The following PRRX1 variants were observed in gnomAD, a reference collection of about 807,000 sequenced individuals.
PRRX1 encodes paired related homeobox 1.
A neutral mutation model predicts 24.0 loss-of-function variants in PRRX1; 8 were observed. That is an observed-to-expected ratio of 0.33 (90% confidence interval 0.20 to 0.60). The LOEUF (loss-of-function observed/expected upper bound fraction) is 0.60, where lower values mean the gene tolerates loss of function less well. PRRX1 is among the 20% of genes least tolerant of loss of function. PRRX1 has a pLI of 0.82. For missense variants in PRRX1, 281 were observed against 322.4 expected, an observed-to-expected ratio of 0.87 and a Z score of 0.98; for synonymous variants, 160 against 131.7, an observed-to-expected ratio of 1.22 and a Z score of -1.47.
chr1:170,716,545 C>G (rs1319268941), intron 1 of PRRX1, among the ~76,000 whole-genome samples: 4 of 150,420 alleles, frequency 2.7e-5, no homozygotes, highest in Non-Finnish European at 5.9e-5. Context: ...GATCGCGCCA[C>G]TGCACTCCAG....
At chr1:170,684,679 G>T (rs1213032219) in intron 1 of PRRX1, among the ~76,000 whole-genome samples, 1 of 152,174 alleles carries the variant, frequency 6.6e-6, no homozygotes, top group Admixed American at 6.5e-5. Context: ...CTTGAATCCA[G>T]GAGGCGGAGG....
At chr1:170,713,050 C>G (rs1395601344) in intron 1 of PRRX1, among the ~76,000 whole-genome samples, 1 of 152,118 alleles carries the variant, frequency 6.6e-6, no homozygotes, top group Non-Finnish European at 1.5e-5. Flanking sequence ...GCATCTCTTA[C>G]AGTAAGAATT....
chr1:170,724,025 C>A (rs931194242), intron 2 of PRRX1, among the ~76,000 whole-genome samples: 1 of 152,104 alleles, frequency 6.6e-6, no homozygotes, highest in Non-Finnish European at 1.5e-5. Flanking sequence ...AAACCTAATA[C>A]GTGGAATTGT....
chr1:170,708,921 C>A (rs1654657036), intron 1 of PRRX1, among the ~76,000 whole-genome samples: 1 of 152,082 alleles, frequency 6.6e-6, no homozygotes, highest in Admixed American at 6.6e-5. Context: ...AAAGAGTGGT[C>A]AGGTTTGGTG....
chr1:170,665,255 C>T (rs543976619), intron 1 of PRRX1, among the ~76,000 whole-genome samples: 22 of 152,376 alleles, frequency 1.4e-4, no homozygotes, highest in Non-Finnish European at 2.8e-4. Flanking sequence ...CTTAGAGGAG[C>T]TCTCCCTATT....
At chr1:170,723,402 A>G (rs916742454) in intron 2 of PRRX1, among the ~76,000 whole-genome samples, 7 of 152,206 alleles carry the variant, frequency 4.6e-5, no homozygotes, top group Non-Finnish European at 1.0e-4. Context: ...TAGTTTTTCA[A>G]ATTTACATGT....
chr1:170,708,280 A>G (rs1280147007), intron 1 of PRRX1, among the ~76,000 whole-genome samples: 2 of 152,222 alleles, frequency 1.3e-5, no homozygotes, highest in Non-Finnish European at 2.9e-5. Flanking sequence ...CAATGGAATA[A>G]GATTATTCCA....
chr1:170,692,489 T>G (rs1461818230), intron 1 of PRRX1, among the ~76,000 whole-genome samples: 1 of 152,148 alleles, frequency 6.6e-6, no homozygotes, highest in Middle Eastern at 3.4e-3. Flanking sequence ...TATTCTTAAA[T>G]TGTTGTGTGT....
chr1:170,727,580 A>G (rs1156341446), intron 3 of PRRX1: 10 of 152,232 alleles, frequency 6.6e-5, no homozygotes, highest in Non-Finnish European at 1.5e-4. Flanking sequence ...GTGTTTTTCA[A>G]AGGTTCTTAG....
intron 1 of PRRX1, among the ~76,000 whole-genome samples, chr1:170,681,467 A>G (rs1306586893): frequency 1.3e-5 from 2 of 150,522 alleles, no homozygotes; most frequent in East Asian, 3.9e-4. Flanking sequence ...AAAACTGCAG[A>G]TAATCCTGCA....
At chr1:170,705,941 C>T (rs1488545240) in intron 1 of PRRX1, among the ~76,000 whole-genome samples, 24 of 137,970 alleles carry the variant, frequency 1.7e-4, no homozygotes, top group African/African-American at 7.2e-4. Context: ...CACATACACA[C>T]ACACACACAC....
At chr1:170,724,946 C>CG (rs1655207345) in intron 2 of PRRX1, among the ~76,000 whole-genome samples, 1 of 152,132 alleles carries the variant, frequency 6.6e-6, no homozygotes, top group South Asian at 2.1e-4. Context: ...TGTGTCCTCT[C>CG]TGATTTCCTT....
chr1:170,689,279 G>A (rs1653848858), intron 1 of PRRX1, among the ~76,000 whole-genome samples: 1 of 152,116 alleles, frequency 6.6e-6, no homozygotes, highest in East Asian at 1.9e-4. Context: ...TTTCTGTGGA[G>A]CTGTGTACTG....
chr1:170,681,905 A>G (rs1653559272), intron 1 of PRRX1, among the ~76,000 whole-genome samples: 1 of 152,230 alleles, frequency 6.6e-6, no homozygotes, highest in South Asian at 2.1e-4. Context: ...CTCTGTTGCT[A>G]TGGAAATGAA....
At chr1:170,665,533 G>A (rs1663262242) in intron 1 of PRRX1, among the ~76,000 whole-genome samples, 1 of 152,222 alleles carries the variant, frequency 6.6e-6, no homozygotes, top group Non-Finnish European at 1.5e-5. Context: ...TTCTATGTCA[G>A]TAGTTGCTGG....
At chr1:170,666,004 T>C (rs1042184036) in intron 1 of PRRX1, among the ~76,000 whole-genome samples, 1 of 152,254 alleles carries the variant, frequency 6.6e-6, no homozygotes, top group African/African-American at 2.4e-5. Flanking sequence ...GTTTGGGTGC[T>C]TGAGAGGCTG....
chr1:170,730,147 G>A, intron 3 of PRRX1: 2 of 831,144 alleles, frequency 2.4e-6, no homozygotes, highest in Non-Finnish European at 4.3e-6. Flanking sequence ...GTGAAAGAGA[G>A]GTCAGCTATC....
chr1:170,691,505 C>CCTTT (rs1653950845), intron 1 of PRRX1, among the ~76,000 whole-genome samples: 1 of 145,918 alleles, frequency 6.9e-6, no homozygotes, highest in African/African-American at 2.6e-5. Context: ...CCTTTCCTTT[C>CCTTT]CTTTCCTTCC....
At chr1:170,665,290 C>T (rs1487105009) in intron 1 of PRRX1, among the ~76,000 whole-genome samples, 2 of 152,206 alleles carry the variant, frequency 1.3e-5, no homozygotes, top group African/African-American at 4.8e-5. Flanking sequence ...CAGAAAAGTC[C>T]AGTTTCCCTT....
Sources: gnomAD v4.1 joint callset for allele counts (sites outside exome capture counted in the v4.1 genomes callset) on GRCh38, gnomAD v4.1.1 for gene constraint, MANE v1.5 for transcripts, NCBI Gene and HGNC (gene_info 2026-07-23, HGNC 2026-07-21) for gene names.